PIK3C2G: variants seen among roughly 807,000 people sequenced by gnomAD.
PIK3C2G encodes phosphatidylinositol-4-phosphate 3-kinase catalytic subunit type 2 gamma.
A neutral mutation model predicts 181.1 loss-of-function variants in PIK3C2G; 168 were observed. The observed-to-expected ratio is 0.93, with a 90% CI of 0.82 to 1.05. The LOEUF (loss-of-function observed/expected upper bound fraction) is 1.05, where lower values mean the gene tolerates loss of function less well. Among genes scored for constraint, PIK3C2G ranks in the 50% least tolerant of loss-of-function variants. The probability of loss-of-function intolerance (pLI) is 0.00; values close to 1 mark genes in which losing one functional copy is unlikely to be tolerated. For synonymous variants in PIK3C2G, 573 were observed against 592.2 expected (o/e 0.97, Z 0.47); for missense variants, 1,869 against 1,732.8 (o/e 1.08, Z -1.40).
chr12:18,679,594 G>C, the PIK3C2G span, among the ~76,000 whole-genome samples: 33 of 151,892 alleles, frequency 2.2e-4, no homozygotes, highest in South Asian at 6.6e-3. Flanking sequence ...CAATGTTTCC[G>C]AGCCTGTGTC....
chr12:18,517,598 G>C (rs1233429591), intron 24 of PIK3C2G, among the ~76,000 whole-genome samples: 1 of 152,126 alleles, frequency 6.6e-6, no homozygotes, highest in Non-Finnish European at 1.5e-5. Context: ...CTGAGACTTT[G>C]CTGAAGTTGC....
intron 30 of PIK3C2G, among the ~76,000 whole-genome samples, chr12:18,601,456 G>A (rs954521894): frequency 2.0e-5 from 3 of 152,078 alleles, no homozygotes; most frequent in East Asian, 1.9e-4. Flanking sequence ...GAGGATACTA[G>A]AGGGTGAGAA....
chr12:18,317,491 G>A (rs1303240057), intron 6 of PIK3C2G, among the ~76,000 whole-genome samples: 4 of 152,118 alleles, frequency 2.6e-5, no homozygotes, highest in African/African-American at 4.8e-5. Context: ...GCCGTTCATA[G>A]TACTTGCCTT....
At chr12:18,348,330 G>A (rs1001421056) in intron 11 of PIK3C2G, among the ~76,000 whole-genome samples, 73 of 143,832 alleles carry the variant, frequency 5.1e-4, no homozygotes, top group Non-Finnish European at 3.0e-4. Context: ...GCATTTACGC[G>A]TGTGTGTGTG....
the PIK3C2G span, among the ~76,000 whole-genome samples, chr12:18,668,317 T>C: frequency 6.6e-6 from 1 of 152,204 alleles, no homozygotes; most frequent in Non-Finnish European, 1.5e-5. Context: ...CTTTGGAAAG[T>C]CAGAGAAACT....
chr12:18,280,864 G>A (rs1591815618), intron 1 of PIK3C2G, among the ~76,000 whole-genome samples: 2 of 65,672 alleles, frequency 3.0e-5, no homozygotes, highest in African/African-American at 7.9e-5. Flanking sequence ...AGACAGAGAG[G>A]GGAAGATAGA....
chr12:18,516,261 G>T lies in PIK3C2G; in HGVS notation c.3323+10800G>T, dbSNP rs113830598. ...CTGAGTACTGTATTATTGACTGATG[G>T]TTTTTTTTTTTTTTTCATTCAGCAT... On this transcript the variant is annotated intron_variant, in intron 24 of 32. Coordinates refer to ENST00000538779, the MANE Select transcript of PIK3C2G (RefSeq NM_001288772.2). 1.4e-3 allele frequency among the ~76,000 whole-genome samples: 196 copies of T among 138,368 alleles called. 1 individual carries two copies. Among genetic ancestry groups the T allele is most frequent in the African/African-American group, 4.3e-3 (161 of 37,676 alleles). The allele number at this position is 138,368 out of a possible 152,430, so 90.8% of individuals were successfully genotyped here. A position where few individuals can be genotyped will look rare whatever the true frequency, so the allele number is the denominator to read the frequency against.
chr12:18,668,773 G>A, the PIK3C2G span, among the ~76,000 whole-genome samples: 1 of 152,118 alleles, frequency 6.6e-6, no homozygotes, highest in African/African-American at 2.4e-5. Flanking sequence ...TGGGAATGCT[G>A]CCTGCTGATA....
At chr12:18,507,777 G>T (rs535880256) in intron 24 of PIK3C2G, among the ~76,000 whole-genome samples, 1 of 151,922 alleles carries the variant, frequency 6.6e-6, no homozygotes, top group Non-Finnish European at 1.5e-5. Context: ...AATGAAAAAA[G>T]ATATTTCAGC....
chr12:18,405,397 G>GTGGTGGTGTTGT (rs113689341), intron 16 of PIK3C2G, among the ~76,000 whole-genome samples: 412 of 139,878 alleles, frequency 2.9e-3, no homozygotes, highest in African/African-American at 6.1e-3. Flanking sequence ...AGCAACATTT[G>GTGGTGGTGTTGT]TGTTGTTGTT....
At chr12:18,434,312 G>C in intron 18 of PIK3C2G, among the ~76,000 whole-genome samples, 1 of 151,992 alleles carries the variant, frequency 6.6e-6, no homozygotes, top group East Asian at 1.9e-4. Context: ...GTTGCAATGG[G>C]GATTAAATTT....
chr12:18,638,662 A>C (rs1190317665), intron 31 of PIK3C2G, among the ~76,000 whole-genome samples: 2 of 152,150 alleles, frequency 1.3e-5, no homozygotes, highest in African/African-American at 4.8e-5. Context: ...ACACCCTTAC[A>C]GACAAACCTA....
chr12:18,316,566 C>T (rs1212314634), intron 6 of PIK3C2G, among the ~76,000 whole-genome samples: 1 of 152,104 alleles, frequency 6.6e-6, no homozygotes, highest in Non-Finnish European at 1.5e-5. Flanking sequence ...AATTCAGCAA[C>T]TCATAGGCAA....
intron 18 of PIK3C2G, among the ~76,000 whole-genome samples, chr12:18,440,606 G>A (rs1273193383): frequency 1.3e-5 from 2 of 152,098 alleles, no homozygotes; most frequent in Non-Finnish European, 2.9e-5. Context: ...AATAGCGTGT[G>A]CAAAGGCATT....
At chr12:18,551,173 C>G (rs920071059) in intron 26 of PIK3C2G, among the ~76,000 whole-genome samples, 2 of 152,086 alleles carry the variant, frequency 1.3e-5, no homozygotes, top group Non-Finnish European at 2.9e-5. Context: ...CCCTTACTCT[C>G]TTTCACTCCC....
chr12:18,434,899 T>C (rs933516681), intron 18 of PIK3C2G, among the ~76,000 whole-genome samples: 1 of 151,928 alleles, frequency 6.6e-6, no homozygotes, highest in African/African-American at 2.4e-5. Context: ...ATCATTTTAA[T>C]AGACATCCTC....
At chr12:18,542,646 G>T (rs190735562) in intron 25 of PIK3C2G, among the ~76,000 whole-genome samples, 1 of 151,992 alleles carries the variant, frequency 6.6e-6, no homozygotes, top group Admixed American at 6.6e-5. Flanking sequence ...TCTTATAAGT[G>T]AGAATATGCA....
At position 18,275,539 on chromosome 12, in the gene PIK3C2G, G is replaced by A. The variant is rs938198190; in HGVS notation, c.-78-6465G>A. Among the ~76,000 whole-genome samples the A allele has an allele frequency of 3.9e-5, 6 of 152,062 alleles. No individual in the cohort carries two copies. The South Asian group carries it at 8.3e-4, about 21-fold the overall frequency. On this transcript the variant is annotated intron_variant, in intron 1 of 32. Coordinates refer to ENST00000538779, the MANE Select transcript of PIK3C2G (RefSeq NM_001288772.2). ...TGGGATTACAGGCGTCCGCCACCAC[G>A]CCTGCCTAATTTTTTGTAGTTTTAG... is the stretch of plus-strand genomic sequence containing the variant.
intron 27 of PIK3C2G, among the ~76,000 whole-genome samples, chr12:18,563,161 C>A (rs1344200262): frequency 2.0e-5 from 3 of 152,126 alleles, no homozygotes; most frequent in African/African-American, 7.2e-5. Flanking sequence ...ACAAGAACAG[C>A]AAAAATTAGG....
Sources: gnomAD v4.1 joint callset for allele counts (sites outside exome capture counted in the v4.1 genomes callset) on GRCh38, gnomAD v4.1.1 for gene constraint, MANE v1.5 for transcripts, NCBI Gene and HGNC (gene_info 2026-07-23, HGNC 2026-07-21) for gene names.